Variants in LAMB1 observed in about 807,000 individuals in gnomAD.
LAMB1 encodes the protein laminin subunit beta 1.
In LAMB1, 121 loss-of-function variants were observed where a neutral mutation model predicts 222.3. That is an observed-to-expected ratio of 0.54 (90% confidence interval 0.47 to 0.63). The LOEUF (loss-of-function observed/expected upper bound fraction) is 0.63. LAMB1 is among the 30% of genes least tolerant of loss of function. The probability of loss-of-function intolerance (pLI) is 0.00; values close to 1 mark genes in which losing one functional copy is unlikely to be tolerated. For synonymous variants in LAMB1, 794 were observed against 807.2 expected, an observed-to-expected ratio of 0.98 and a Z score of 0.28; for missense variants, 2,172 against 2,240.8, an observed-to-expected ratio of 0.97 and a Z score of 0.62.
At chr7:107,941,336 G>T (rs765086036) in intron 24 of LAMB1, among the ~76,000 whole-genome samples, 19 of 152,174 alleles carry the variant, frequency 1.2e-4, no homozygotes, top group Non-Finnish European at 2.6e-4. Context: ...AATTACGAAA[G>T]GCCTTATGCT....
Position 107,939,005 on chromosome 7 carries a change from A to G in LAMB1, c.3761+984T>C, listed in dbSNP as rs569077127. 2.6e-5 allele frequency among the ~76,000 whole-genome samples: 4 copies of G among 152,220 alleles called. No individual in the cohort carries two copies. The East Asian group carries it at 7.7e-4, about 29-fold the overall frequency. ...TCTTAAAGGTGCTGATTAAAGTCTC[A>G]TCACACACAAAAAATGTTACTGTCA... is the stretch of plus-strand genomic sequence containing the variant. On this transcript the variant is annotated intron_variant, in intron 25 of 33. Coordinates refer to ENST00000222399, the MANE Select transcript of LAMB1 (RefSeq NM_002291.3).
intron 8 of LAMB1, among the ~76,000 whole-genome samples, chr7:107,979,893 G>C (rs191023574): frequency 6.6e-6 from 1 of 151,990 alleles, no homozygotes; most frequent in Non-Finnish European, 1.5e-5. Flanking sequence ...GACCAATATG[G>C]AGAAGCCCTG....
At chr7:107,978,403 AT>A (rs1206427750) in intron 8 of LAMB1, among the ~76,000 whole-genome samples, 5 of 151,690 alleles carry the variant, frequency 3.3e-5, no homozygotes, top group African/African-American at 9.7e-5. Flanking sequence ...CACAAGAAAT[AT>A]TTTACTGAGT....
In LAMB1 at chr7:107,973,070, G is replaced by A. The variant is rs987021873; in HGVS notation, c.1484C>T (p.Pro495Leu). 6.2e-7 allele frequency: 1 copy of A among 1,613,308 alleles called. No homozygotes were observed. The highest frequency in any genetic ancestry group is 1.7e-5 in the Admixed American group (1 of 59,994). The change falls in exon 13 of 34, where the codon CCA (proline) becomes CTA (leucine). Residue 495 changes from proline to leucine, a missense_variant and splice_region_variant. Transcript: ENST00000222399. ...ATCATTGCTTAAGCCCCAGTGCTCTGGCTGCAGAACAAAACGTGAAACATG... is the reference window on the plus strand; with the variant it reads ...ATCATTGCTTAAGCCCCAGTGCTCTAGCTGCAGAACAAAACGTGAAACATG... ...VTGQHCDQCL[P>L]EHWGLSNDLD... is the part of the protein sequence containing the mutation.
intron 4 of LAMB1, among the ~76,000 whole-genome samples, chr7:107,995,793 C>T (rs2034270768): frequency 6.6e-6 from 1 of 152,190 alleles, no homozygotes; most frequent in South Asian, 2.1e-4. Flanking sequence ...TTTGAGAGAG[C>T]TTTTGGGGTC....
rs921756310 is a variant in LAMB1 at position 107,980,165 on chromosome 7, A to G, written c.879+444T>C. 2.6e-5 allele frequency among the ~76,000 whole-genome samples: 4 copies of G among 151,442 alleles called. No homozygotes were observed. The East Asian group carries it at 7.8e-4, about 30-fold the overall frequency. On this transcript the variant is annotated intron_variant, in intron 8 of 33. Transcript: ENST00000222399. ...GGATGGTGCAGTGAGCTGAAATTGC[A>G]CCACTGCACTCCAGTCTGGGCAACA... is the stretch of plus-strand genomic sequence containing the variant.
intron 7 of LAMB1, among the ~76,000 whole-genome samples, chr7:107,984,861 T>C (rs1261320930): frequency 6.6e-6 from 1 of 152,136 alleles, no homozygotes; most frequent in African/African-American, 2.4e-5. Flanking sequence ...ATATATGGGA[T>C]ATAGTTATGC....
intron 20 of LAMB1, among the ~76,000 whole-genome samples, chr7:107,957,647 A>G (rs1431182651): frequency 1.3e-5 from 2 of 152,214 alleles, no homozygotes; most frequent in Admixed American, 6.5e-5. Context: ...AGGATTTCCA[A>G]TTCAATTTGT....
intron 4 of LAMB1, among the ~76,000 whole-genome samples, chr7:107,996,546 AGAT>A (rs2034284773): frequency 6.6e-6 from 1 of 152,210 alleles, no homozygotes; most frequent in South Asian, 2.1e-4. Flanking sequence ...GACAACAGAG[AGAT>A]GATAGGGTAT....
intron 2 of LAMB1, chr7:108,002,097 A>G (rs1195445609): frequency 1.9e-5 from 28 of 1,479,190 alleles, no homozygotes; most frequent in Non-Finnish European, 2.4e-5. Flanking sequence ...AGCCCGGCGC[A>G]GGGAGGCTGA....
chr7:107,927,414 TTCAG>T (rs5886432), intron 31 of LAMB1, among the ~76,000 whole-genome samples: 41,308 of 151,846 alleles, frequency 0.27, 6,669 homozygotes, highest in Non-Finnish European at 0.37. Context: ...TCACCTATAA[TTCAG>T]TATTTTCTAA....
At chr7:107,956,577 A>C (rs914348593) in intron 20 of LAMB1, among the ~76,000 whole-genome samples, 1 of 152,154 alleles carries the variant, frequency 6.6e-6, no homozygotes, top group African/African-American at 2.4e-5. Flanking sequence ...CTGACCATTC[A>C]GTTCTGCTCC....
rs138826745 is a variant in LAMB1, at chr7:107,963,032, T to G, written c.1730A>C (p.Gln577Pro). The G allele has an allele frequency of 2.0e-5, 32 of 1,613,824 alleles. 1 individual carries two copies. The highest frequency in any genetic ancestry group is 1.9e-4 in the African/African-American group (14 of 74,926). The change falls in exon 15 of 34, where the codon CAG becomes CCG. Residue 577 changes from glutamine (Q) to proline (P), a missense_variant. Gln to Pro is a moderately conservative substitution (Grantham distance 76). Transcript: ENST00000222399. ...GVSIVERQYIQDRIPSWTGAG... is the reference protein window; with the variant it reads ...GVSIVERQYIPDRIPSWTGAG... Reference sequence around the variant, plus strand: ...TCCAGTCCAGGAGGGAATCCGGTCCTGGATATATTGCCGCTCCACTATGCT... The same window carrying G: ...TCCAGTCCAGGAGGGAATCCGGTCCGGGATATATTGCCGCTCCACTATGCT...
rs187487527 is a variant in LAMB1, at chr7:107,989,870, G to A, written c.424-3507C>T. Among the ~76,000 whole-genome samples, 46 of 152,196 alleles carry A rather than the reference G, an allele frequency of 3.0e-4. No individual in the cohort carries two copies. The Middle Eastern group carries it at 0.017, about 56-fold the overall frequency. On this transcript the variant is annotated intron_variant, in intron 5 of 33. Transcript: ENST00000222399. ...ATTGACGAGTCATCCAATTTCCCGT[G>A]GAGTTAAGAAGCTGCTGGAAACCAG...
intron 7 of LAMB1, among the ~76,000 whole-genome samples, chr7:107,981,946 C>CT (rs960652165): frequency 1.3e-5 from 2 of 152,202 alleles, no homozygotes; most frequent in Non-Finnish European, 2.9e-5. Context: ...TGGTCCACAA[C>CT]TTTTTTGTCC....
Position 107,929,517 on chromosome 7 carries a change from A to C in LAMB1, c.4640T>G (p.Ile1547Arg), listed in dbSNP as rs35915664. The part of the protein sequence containing the change: ...PQQLQNLTED[I>R]RERVESLSQV... The stretch of plus-strand genomic sequence containing the variant: ...AGAAAGGCTTTCAACTCGTTCACGT[A>C]TATCTTCTGTCAAGTTCTGTAACTG... The change falls in exon 30 of 34, where the codon ATA becomes AGA. Residue 1547 changes from isoleucine (I) to arginine (R), a missense_variant. Transcript: ENST00000222399. 1 of 1,614,062 alleles carries C rather than the reference A, an allele frequency of 6.2e-7. No homozygotes were observed. The highest frequency in any genetic ancestry group is 8.5e-7 in the Non-Finnish European group (1 of 1,179,934).
chr7:107,940,157 T>G lies in LAMB1; in HGVS notation c.3593A>C (p.His1198Pro). 6.2e-7 allele frequency: 1 copy of G among 1,614,150 alleles called. No individual in the cohort carries two copies. Among genetic ancestry groups the G allele is most frequent in the Non-Finnish European group, 8.5e-7 (1 of 1,180,032 alleles). Residue 1198 changes from histidine (H) to proline (P), a missense_variant, in exon 25 of 34, where the codon CAC (histidine) becomes CCC (proline). His to Pro is a moderately conservative substitution (Grantham distance 77, BLOSUM62 -2). Coordinates refer to ENST00000222399, the MANE Select transcript of LAMB1 (RefSeq NM_002291.3). The part of the protein sequence containing the change: ...VIIAELTNRT[H>P]RFLEKAKALK... Reference sequence around the variant, plus strand: ...GGCCTTGGCTTTCTCCAGGAATCTGTGTGTCCTGTTGGTCAGCTCGGCAAT... The same window carrying G: ...GGCCTTGGCTTTCTCCAGGAATCTGGGTGTCCTGTTGGTCAGCTCGGCAAT...
intron 20 of LAMB1, among the ~76,000 whole-genome samples, chr7:107,955,922 G>A (rs1479529703): frequency 6.6e-6 from 1 of 152,094 alleles, no homozygotes; most frequent in African/African-American, 2.4e-5. Flanking sequence ...TTTTGAGATG[G>A]AGTCGCGCTC....
chr7:107,935,935 A>G (rs1396190517), intron 26 of LAMB1, among the ~76,000 whole-genome samples: 1 of 152,226 alleles, frequency 6.6e-6, no homozygotes, highest in African/African-American at 2.4e-5. Context: ...CCAGTTCTTT[A>G]TAAATAGCTG....
Sources: gnomAD v4.1 joint callset for allele counts (sites outside exome capture counted in the v4.1 genomes callset) on GRCh38, gnomAD v4.1.1 for gene constraint, MANE v1.5 for transcripts, NCBI Gene and HGNC (gene_info 2026-07-23, HGNC 2026-07-21) for gene names.